Variants in FNIP1 observed in about 807,000 individuals in gnomAD.
The protein encoded by FNIP1 is folliculin interacting protein 1.
Under a neutral mutation model 124.5 loss-of-function variants are expected in FNIP1, and 40 were observed. That is an observed-to-expected ratio of 0.32 (90% confidence interval 0.25 to 0.42). The LOEUF (loss-of-function observed/expected upper bound fraction) is 0.42. FNIP1 is among the 10% of genes least tolerant of loss of function. The probability of loss-of-function intolerance (pLI) is 1.00; values close to 1 mark genes in which losing one functional copy is unlikely to be tolerated. For synonymous variants in FNIP1, 472 were observed against 470.6 expected, an observed-to-expected ratio of 1.00 and a Z score of -0.04; for missense variants, 1,176 against 1,403.7, an observed-to-expected ratio of 0.84 and a Z score of 2.59.
chr5:131,785,715 A>T (rs1207488828), intron 1 of FNIP1, among the ~76,000 whole-genome samples: 2 of 152,168 alleles, frequency 1.3e-5, no homozygotes, highest in Admixed American at 6.5e-5. Flanking sequence ...AAAAAAATTT[A>T]AAATATTAGC....
intron 10 of FNIP1, among the ~76,000 whole-genome samples, chr5:131,702,738 C>T (rs911050129): frequency 5.3e-5 from 8 of 152,152 alleles, no homozygotes; most frequent in African/African-American, 1.9e-4. Flanking sequence ...ATATTTGTAT[C>T]GTATATACTA....
At chr5:131,735,915 G>C (rs951937651) in intron 2 of FNIP1, among the ~76,000 whole-genome samples, 1 of 151,840 alleles carries the variant, frequency 6.6e-6, no homozygotes, top group African/African-American at 2.4e-5. Context: ...GACTACAGGC[G>C]TATGCCACCA....
intron 15 of FNIP1, among the ~76,000 whole-genome samples, chr5:131,662,733 A>ATTTTTTT (rs34051607): frequency 3.1e-4 from 24 of 76,974 alleles, no homozygotes; most frequent in African/African-American, 8.0e-4. Flanking sequence ...GATATTCTAG[A>ATTTTTTT]TTTTTTTTTT....
At chr5:131,753,142 C>T (rs78874926) in intron 1 of FNIP1, among the ~76,000 whole-genome samples, 4,566 of 152,078 alleles carry the variant, frequency 0.03, 226 homozygotes, top group African/African-American at 0.1. Context: ...AAAACTGACA[C>T]GACTAATAAC....
intron 3 of FNIP1, among the ~76,000 whole-genome samples, chr5:131,721,529 T>G (rs1580784138): frequency 6.6e-6 from 1 of 152,086 alleles, no homozygotes; most frequent in African/African-American, 2.4e-5. Flanking sequence ...GCTAGCGCGG[T>G]GGATCACGCT....
chr5:131,752,703 GAT>G (rs1419496523), intron 1 of FNIP1, among the ~76,000 whole-genome samples: 5 of 152,166 alleles, frequency 3.3e-5, no homozygotes, highest in Non-Finnish European at 7.3e-5. Context: ...CACAAAAGGA[GAT>G]ATATGAATGG....
intron 2 of FNIP1, among the ~76,000 whole-genome samples, chr5:131,742,637 C>T (rs576143893): frequency 1.1e-3 from 175 of 152,304 alleles, no homozygotes; most frequent in African/African-American, 4.1e-3. Flanking sequence ...ACATTTACCA[C>T]AGCAAAATAG....
rs1179788887 is a variant in FNIP1 at position 131,693,348 on chromosome 5, A to ATATATG, written c.1202+5568_1202+5569insCATATA. On this transcript the variant is annotated intron_variant, in intron 11 of 17. Transcript: ENST00000510461. Reference sequence around the variant, plus strand: ...TATATATATACATATATATATATATATATATATATATATAGTTACAGAGAT... The same window carrying ATATATG: ...TATATATATACATATATATATATATATATATGTATATATATATATAGTTACAGAGAT... 4.9e-3 allele frequency among the ~76,000 whole-genome samples: 652 copies of ATATATG among 133,632 alleles called. 10 individuals carry two copies. Among genetic ancestry groups the ATATATG allele is most frequent in the East Asian group, 0.014 (65 of 4,736 alleles). 87.7% of individuals were successfully genotyped at this position (133,632 alleles called of 152,430 possible). A position where few individuals can be genotyped will look rare whatever the true frequency, so the allele number is the denominator to read the frequency against.
intron 1 of FNIP1, among the ~76,000 whole-genome samples, chr5:131,778,768 TG>T (rs1771897548): frequency 8.0e-6 from 1 of 124,582 alleles, no homozygotes; most frequent in Non-Finnish European, 1.7e-5. Context: ...AATGATAGAC[TG>T]GATTAAGAAA....
chr5:131,769,826 C>T (rs551222990), intron 1 of FNIP1, among the ~76,000 whole-genome samples: 7 of 152,300 alleles, frequency 4.6e-5, no homozygotes, highest in Admixed American at 1.3e-4. Context: ...CTTTTCAATT[C>T]CTTTATCTCT....
intron 15 of FNIP1, among the ~76,000 whole-genome samples, chr5:131,655,674 G>C (rs1365410900): frequency 6.6e-6 from 1 of 151,108 alleles, no homozygotes; most frequent in Admixed American, 6.6e-5. Context: ...CCAATAAACA[G>C]CATATCTCAG....
At chr5:131,736,099 A>G (rs1770295146) in intron 2 of FNIP1, among the ~76,000 whole-genome samples, 1 of 152,154 alleles carries the variant, frequency 6.6e-6, no homozygotes, top group South Asian at 2.1e-4. Context: ...ATTAGAAAAC[A>G]GTTAACATGA....
intron 6 of FNIP1, among the ~76,000 whole-genome samples, chr5:131,712,051 T>C (rs1769309749): frequency 6.6e-6 from 1 of 152,186 alleles, no homozygotes; most frequent in Admixed American, 6.5e-5. Context: ...ATTAACCAGA[T>C]TGGAACCCTT....
intron 1 of FNIP1, among the ~76,000 whole-genome samples, chr5:131,755,736 C>T (rs1032876469): frequency 5.9e-5 from 9 of 152,002 alleles, no homozygotes; most frequent in African/African-American, 1.7e-4. Flanking sequence ...GGGCCAGGCA[C>T]GGTGGCTCAT....
Position 131,731,039 on chromosome 5 carries a change from C to G in FNIP1, c.220-1G>C, listed in dbSNP as rs1770070681. 1.3e-6 allele frequency: 2 copies of G among 1,598,690 alleles called. No homozygotes were observed. The highest frequency in any genetic ancestry group is 8.5e-7 in the Non-Finnish European group (1 of 1,175,672). ...TAACTTGAGCATCACTGCCGAGTTT[C>G]TGAAATAACAGATATTTCCACTCAT... On this transcript the variant is annotated splice_acceptor_variant, in intron 2 of 17. Coordinates refer to ENST00000510461, the MANE Select transcript of FNIP1 (RefSeq NM_133372.3). LOFTEE classifies it high-confidence loss of function.
intron 11 of FNIP1, among the ~76,000 whole-genome samples, chr5:131,693,333 C>CATAT (rs70974007): frequency 0.22 from 10,783 of 49,786 alleles, 1,429 homozygotes; most frequent in South Asian, 0.34. Flanking sequence ...TATATATATA[C>CATAT]ATATATATAT....
chr5:131,722,514 C>T (rs1199994611), intron 3 of FNIP1, among the ~76,000 whole-genome samples: 2 of 152,172 alleles, frequency 1.3e-5, no homozygotes, highest in Non-Finnish European at 2.9e-5. Context: ...TACAGCTGCA[C>T]ACTGTTTTTC....
At chr5:131,750,057 G>A (rs149115915) in intron 1 of FNIP1, among the ~76,000 whole-genome samples, 128 of 152,266 alleles carry the variant, frequency 8.4e-4, no homozygotes, top group Middle Eastern at 3.4e-3. Context: ...GAACTAGGAC[G>A]ATGTACTGGC....
chr5:131,739,836 A>C (rs1169776437), intron 2 of FNIP1, among the ~76,000 whole-genome samples: 1 of 150,970 alleles, frequency 6.6e-6, no homozygotes, highest in Non-Finnish European at 1.5e-5. Flanking sequence ...AAAAAAAAAA[A>C]ACACTGTTTT....
Sources: gnomAD v4.1 joint callset for allele counts (sites outside exome capture counted in the v4.1 genomes callset) on GRCh38, gnomAD v4.1.1 for gene constraint, MANE v1.5 for transcripts, NCBI Gene and HGNC (gene_info 2026-07-23, HGNC 2026-07-21) for gene names.